The following PEBP4 variants were observed in gnomAD, a reference collection of about 807,000 sequenced individuals.
PEBP4 encodes the protein phosphatidylethanolamine-binding protein 4.
Under a neutral mutation model 23.9 loss-of-function variants are expected in PEBP4, and 22 were observed. The ratio of observed to expected loss-of-function variants is 0.92; its 90% CI spans 0.66 to 1.31. PEBP4 has a LOEUF of 1.31. Among genes scored for constraint, PEBP4 ranks in the 40% most tolerant of loss-of-function variants. The probability of loss-of-function intolerance (pLI) is 0.00; values close to 1 mark genes in which losing one functional copy is unlikely to be tolerated. For missense variants in PEBP4, 324 were observed against 281.7 expected, an observed-to-expected ratio of 1.15 and a Z score of -1.07; for synonymous variants, 112 against 99.3, an observed-to-expected ratio of 1.13 and a Z score of -0.76.
Position 22,865,514 on chromosome 8 carries a change from G to A in PEBP4, c.259-47779C>T, listed in dbSNP as rs973112818. On this transcript the variant is annotated intron_variant, in intron 3 of 6. Transcript: ENST00000256404. This position sits in a 1 kb window ranked among gnomAD's most constrained non-coding sequence, Gnocchi z 6.9. ...CGGCCGCGCAGCGAGAAGGAGCCTCGGGGAAGAGCTAAAAAAGGCAAGGCG... is the reference window on the plus strand; with the variant it reads ...CGGCCGCGCAGCGAGAAGGAGCCTCAGGGAAGAGCTAAAAAAGGCAAGGCG... Among the ~76,000 whole-genome samples the A allele has an allele frequency of 3.3e-5, 5 of 151,890 alleles. No homozygotes were observed. Among genetic ancestry groups the A allele is most frequent in the African/African-American group, 1.2e-4 (5 of 41,374 alleles).
At position 22,865,196 on chromosome 8, in the gene PEBP4, A is replaced by C. The variant is rs1021843921; in HGVS notation, c.259-47461T>G. 6.8e-6 allele frequency among the ~76,000 whole-genome samples: 1 copy of C among 146,266 alleles called. No individual in the cohort carries two copies. Among genetic ancestry groups the C allele is most frequent in the Non-Finnish European group, 1.5e-5 (1 of 66,542 alleles). ...TCTCCTGTGACTCAGGTCTGACTCA[A>C]TGCCATTTCTGAAACAGCCTGGGGG... is the stretch of plus-strand genomic sequence containing the variant. On this transcript the variant is annotated intron_variant, in intron 3 of 6. Coordinates refer to ENST00000256404, the MANE Select transcript of PEBP4 (RefSeq NM_144962.3). The surrounding 1 kb of genome is among the most constrained non-coding windows in gnomAD (Gnocchi z 6.9).
rs572995399 is a variant in PEBP4 at position 22,889,856 on chromosome 8, C to T, written c.258+30328G>A. 2.6e-5 allele frequency among the ~76,000 whole-genome samples: 4 copies of T among 152,368 alleles called. No homozygotes were observed. The South Asian group carries it at 8.3e-4, about 32-fold the overall frequency. ...GACTATACATCACTGCAGGGACGCC[C>T]TGCTCGGTGGCGATCTATCATTTTC... is the stretch of plus-strand genomic sequence containing the variant. On this transcript the variant is annotated intron_variant, in intron 3 of 6. Coordinates refer to ENST00000256404, the MANE Select transcript of PEBP4 (RefSeq NM_144962.3).
Position 22,775,646 on chromosome 8 carries a change from G to A in PEBP4, c.357+41991C>T, listed in dbSNP as rs577777122. Among the ~76,000 whole-genome samples, 2 of 152,234 alleles carry A rather than the reference G, an allele frequency of 1.3e-5. No individual in the cohort carries two copies. The highest frequency in any genetic ancestry group is 2.1e-4 in the South Asian group (1 of 4,818). ...GGAGAGGGTTTGCTGGGAAGGAGGG[G>A]GACGGAGGCAGCGTCTCTGCGGCAT... On this transcript the variant is annotated intron_variant, in intron 4 of 6. Coordinates refer to ENST00000256404, the MANE Select transcript of PEBP4 (RefSeq NM_144962.3). This position sits in a 1 kb window ranked among gnomAD's most constrained non-coding sequence, Gnocchi z 4.8.
At chr8:22,826,257 T>G (rs1044556261) in intron 3 of PEBP4, among the ~76,000 whole-genome samples, 2 of 152,226 alleles carry the variant, frequency 1.3e-5, no homozygotes, top group Non-Finnish European at 2.9e-5. Context: ...ATCCAAGTTC[T>G]TTCCAAAGAC....
intron 3 of PEBP4, among the ~76,000 whole-genome samples, chr8:22,831,907 T>C (rs1280038349): frequency 9.2e-5 from 14 of 151,654 alleles, no homozygotes. Context: ...CCCAGCAAGA[T>C]TGATGAGGGC....
chr8:22,847,703 A>G (rs184249284), intron 3 of PEBP4, among the ~76,000 whole-genome samples: 1 of 152,218 alleles, frequency 6.6e-6, no homozygotes, highest in East Asian at 1.9e-4. Flanking sequence ...CCCCTTCCCT[A>G]CAAAGATGGT....
At chr8:22,816,086 C>G (rs1806733992) in intron 4 of PEBP4, among the ~76,000 whole-genome samples, 1 of 152,212 alleles carries the variant, frequency 6.6e-6, no homozygotes, top group Non-Finnish European at 1.5e-5. Flanking sequence ...CAGAAAATGA[C>G]AACGCTCTAG....
intron 1 of PEBP4, among the ~76,000 whole-genome samples, chr8:22,938,316 A>G (rs1809567485): frequency 1.3e-5 from 2 of 151,960 alleles, no homozygotes; most frequent in African/African-American, 4.8e-5. Context: ...GCCTTTTTGC[A>G]CAAACCATTC....
intron 4 of PEBP4, among the ~76,000 whole-genome samples, chr8:22,745,391 AG>A (rs560079712): frequency 8.5e-4 from 130 of 152,286 alleles, no homozygotes; most frequent in Non-Finnish European, 1.2e-3. Flanking sequence ...CTGGTGATTC[AG>A]GGCAGGGGCA....
intron 4 of PEBP4, among the ~76,000 whole-genome samples, chr8:22,733,643 T>C (rs373910683): frequency 6.6e-6 from 1 of 152,078 alleles, no homozygotes; most frequent in Non-Finnish European, 1.5e-5. Context: ...GCACATATCC[T>C]TGAGTGAGGG....
intron 4 of PEBP4, among the ~76,000 whole-genome samples, chr8:22,733,856 TGGGGGGAC>T (rs1804793424): frequency 6.5e-5 from 1 of 15,458 alleles, no homozygotes; most frequent in Non-Finnish European, 1.2e-4. Context: ...AGGGTGGGGA[TGGGGGGAC>T]AGGCATCAGA....
At chr8:22,889,599 G>A (rs953089621) in intron 3 of PEBP4, among the ~76,000 whole-genome samples, 4 of 152,190 alleles carry the variant, frequency 2.6e-5, no homozygotes, top group African/African-American at 9.7e-5. Context: ...CAGCTTAAAA[G>A]CCTCGTTTTG....
intron 3 of PEBP4, among the ~76,000 whole-genome samples, chr8:22,845,942 G>T (rs1312403974): frequency 6.6e-6 from 1 of 152,242 alleles, no homozygotes; most frequent in Non-Finnish European, 1.5e-5. Context: ...GCAACCTTCT[G>T]CTCCTGTATT....
intron 4 of PEBP4, among the ~76,000 whole-genome samples, chr8:22,787,996 G>A (rs35103289): frequency 9.2e-5 from 14 of 152,252 alleles, no homozygotes; most frequent in Admixed American, 4.6e-4. Flanking sequence ...GGCGTGCAAC[G>A]GGCCCACAGG....
At chr8:22,910,327 A>G (rs1310357214) in intron 3 of PEBP4, among the ~76,000 whole-genome samples, 1 of 152,242 alleles carries the variant, frequency 6.6e-6, no homozygotes, top group South Asian at 2.1e-4. Flanking sequence ...CAAGCCCCCA[A>G]CATCCCGCGC....
intron 4 of PEBP4, among the ~76,000 whole-genome samples, chr8:22,751,626 GTC>G (rs1305516748): frequency 1.2e-3 from 81 of 68,056 alleles, no homozygotes; most frequent in Admixed American, 1.5e-3. Flanking sequence ...GTGTGTGTGT[GTC>G]TCTGTGTGTG....
intron 4 of PEBP4, among the ~76,000 whole-genome samples, chr8:22,741,281 T>C (rs1804986719): frequency 6.6e-6 from 1 of 152,150 alleles, no homozygotes; most frequent in African/African-American, 2.4e-5. Flanking sequence ...TGGTGGGCCT[T>C]CGTGTCCCTG....
intron 3 of PEBP4, among the ~76,000 whole-genome samples, chr8:22,834,891 C>T (rs1313057909): frequency 1.3e-5 from 2 of 152,192 alleles, no homozygotes; most frequent in African/African-American, 4.8e-5. Context: ...CAGTCCTTGG[C>T]TGAATCAGCC....
At chr8:22,791,032 C>G (rs2128756855) in intron 4 of PEBP4, among the ~76,000 whole-genome samples, 1 of 152,234 alleles carries the variant, frequency 6.6e-6, no homozygotes, top group Non-Finnish European at 1.5e-5. Context: ...CAGCCACTAC[C>G]CTTTGATAGG....
Sources: gnomAD v4.1 joint callset for allele counts (sites outside exome capture counted in the v4.1 genomes callset) on GRCh38, gnomAD v4.1.1 for gene constraint, Gnocchi (gnomAD v3.1) non-coding constraint, MANE v1.5 for transcripts, NCBI Gene and HGNC (gene_info 2026-07-23, HGNC 2026-07-21) for gene names.